Variants in CTNNA3 observed in about 807,000 individuals in gnomAD.
CTNNA3 encodes the protein catenin alpha 3.
CTNNA3 carries 76 observed loss-of-function variants against 95.7 expected under a neutral mutation model. That is an observed-to-expected ratio of 0.79 (90% CI 0.66 to 0.96). The LOEUF is 0.96. Ranked by LOEUF, CTNNA3 falls within the 40% of genes least tolerant of loss-of-function variation. The probability of loss-of-function intolerance (pLI) is 0.00; values close to 1 mark genes in which losing one functional copy is unlikely to be tolerated. For synonymous variants in CTNNA3, 431 were observed against 374.4 expected (o/e 1.15, Z -1.74); for missense variants, 1,191 against 1,089.8 (o/e 1.09, Z -1.31).
chr10:66,679,725 G>A (rs1249884863), intron 9 of CTNNA3, among the ~76,000 whole-genome samples: 2 of 152,040 alleles, frequency 1.3e-5, no homozygotes, highest in Non-Finnish European at 2.9e-5. Context: ...AAGCTAAAGG[G>A]CCAATGAGGT....
chr10:66,160,969 A>T (rs1034486954), intron 13 of CTNNA3, among the ~76,000 whole-genome samples: 1 of 152,050 alleles, frequency 6.6e-6, no homozygotes, highest in Non-Finnish European at 1.5e-5. Context: ...GTTGTTTTAA[A>T]GTTTGTTTTG....
In CTNNA3 at chr10:67,701,734, C is replaced by G. The variant is rs545611917; in HGVS notation, c.-1-54220G>C. On this transcript the variant is annotated intron_variant, in intron 1 of 17. Coordinates refer to the CTNNA3 transcript ENST00000684154. ...TGCATCAACTAATGAGCAAAATAAC[C>G]AGCTAACATCATAATGACAGGATCA... Among the ~76,000 whole-genome samples, 6 of 152,254 alleles carry G rather than the reference C, an allele frequency of 3.9e-5. No individual in the cohort carries two copies. The South Asian group carries it at 8.3e-4, about 21-fold the overall frequency.
At chr10:67,574,536 T>C (rs936946634) in intron 3 of CTNNA3, among the ~76,000 whole-genome samples, 4 of 151,994 alleles carry the variant, frequency 2.6e-5, no homozygotes, top group African/African-American at 9.7e-5. Flanking sequence ...TTCTGTTTTC[T>C]GTCACTTCAA....
At chr10:67,562,492 A>C (rs1841555065) in intron 3 of CTNNA3, among the ~76,000 whole-genome samples, 1 of 152,162 alleles carries the variant, frequency 6.6e-6, no homozygotes, top group Non-Finnish European at 1.5e-5. Flanking sequence ...CATATCTCAA[A>C]ATAATAAGAG....
intron 9 of CTNNA3, among the ~76,000 whole-genome samples, chr10:66,622,339 T>A (rs988396567): frequency 6.6e-6 from 1 of 152,198 alleles, no homozygotes; most frequent in African/African-American, 2.4e-5. Flanking sequence ...TGTTTGACAT[T>A]CCTGCAGTGC....
chr10:66,249,123 T>G (rs955604021), intron 13 of CTNNA3, among the ~76,000 whole-genome samples: 1 of 152,092 alleles, frequency 6.6e-6, no homozygotes, highest in Non-Finnish European at 1.5e-5. Context: ...ACTAGACCCC[T>G]ATCTCTCACC....
chr10:67,756,784 G>T (rs1393835313), intron 1 of CTNNA3, among the ~76,000 whole-genome samples: 1 of 152,048 alleles, frequency 6.6e-6, no homozygotes, highest in East Asian at 1.9e-4. Flanking sequence ...ACAATATTAT[G>T]AATGTAATGG....
At chr10:67,302,197 A>G (rs1276480221) in intron 5 of CTNNA3, among the ~76,000 whole-genome samples, 1 of 152,206 alleles carries the variant, frequency 6.6e-6, no homozygotes, top group African/African-American at 2.4e-5. Flanking sequence ...TCTCATTTAT[A>G]TGTGGAATCT....
intron 13 of CTNNA3, among the ~76,000 whole-genome samples, chr10:66,195,337 C>T (rs1484780975): frequency 6.6e-6 from 1 of 151,982 alleles, no homozygotes; most frequent in Non-Finnish European, 1.5e-5. Context: ...GATATACCAC[C>T]AGTGTGAAAT....
intron 10 of CTNNA3, among the ~76,000 whole-genome samples, chr10:66,536,278 T>A (rs765141928): frequency 2.6e-5 from 4 of 151,794 alleles, no homozygotes; most frequent in Non-Finnish European, 5.9e-5. Context: ...GGTCAAGAGT[T>A]CGAGACCAGC....
intron 10 of CTNNA3, among the ~76,000 whole-genome samples, chr10:66,598,232 G>A (rs191800836): frequency 7.2e-5 from 11 of 151,972 alleles, no homozygotes; most frequent in Non-Finnish European, 7.4e-5. Flanking sequence ...AAAAACTCTC[G>A]ACAAACTAGG....
intron 3 of CTNNA3, among the ~76,000 whole-genome samples, chr10:67,542,776 T>C (rs528560721): frequency 2.0e-5 from 3 of 152,266 alleles, no homozygotes; most frequent in African/African-American, 7.2e-5. Context: ...CAACTATTGA[T>C]AAGGTATTGA....
At chr10:67,464,153 A>G (rs1847485687) in intron 5 of CTNNA3, among the ~76,000 whole-genome samples, 2 of 152,132 alleles carry the variant, frequency 1.3e-5, no homozygotes, top group Admixed American at 1.3e-4. Context: ...TGATTTTCCC[A>G]TGTTATATTC....
chr10:66,600,861 G>A lies in CTNNA3; in HGVS notation c.1374+20831C>T, dbSNP rs551277864. 1.7e-3 allele frequency among the ~76,000 whole-genome samples: 255 copies of A among 151,918 alleles called. 1 individual carries two copies. The highest frequency in any genetic ancestry group is 5.5e-3 in the African/African-American group (227 of 41,522). ...ATTCCTGGGATATTTTCTTTATCAC[G>A]TCTTTTACAGCAAGGGGTAGTAGAA... is the stretch of plus-strand genomic sequence containing the variant. On this transcript the variant is annotated intron_variant, in intron 10 of 17. Transcript: ENST00000433211.
At chr10:67,494,694 T>C (rs574674216) in intron 5 of CTNNA3, among the ~76,000 whole-genome samples, 1 of 152,344 alleles carries the variant, frequency 6.6e-6, no homozygotes, top group African/African-American at 2.4e-5. Context: ...ATATTTTCCA[T>C]TCTATTTGGC....
chr10:67,462,661 G>T (rs1020969317), intron 5 of CTNNA3, among the ~76,000 whole-genome samples: 7 of 152,132 alleles, frequency 4.6e-5, no homozygotes, highest in African/African-American at 1.4e-4. Context: ...TAATAAAAAG[G>T]TGTCTGCTAG....
chr10:67,026,103 T>A (rs1853365698), intron 7 of CTNNA3, among the ~76,000 whole-genome samples: 1 of 134,190 alleles, frequency 7.5e-6, no homozygotes, highest in Admixed American at 7.7e-5. Flanking sequence ...CTCTGGGGAC[T>A]GTTGTGGGGT....
intron 5 of CTNNA3, among the ~76,000 whole-genome samples, chr10:67,251,893 T>G (rs1451498114): frequency 6.6e-6 from 1 of 152,022 alleles, no homozygotes; most frequent in Admixed American, 6.6e-5. Flanking sequence ...AGATCATCAC[T>G]AGTGGCCTCA....
At chr10:66,098,501 A>C (rs2081490155) in intron 14 of CTNNA3, among the ~76,000 whole-genome samples, 1 of 152,200 alleles carries the variant, frequency 6.6e-6, no homozygotes, top group Non-Finnish European at 1.5e-5. Context: ...GATGTGTTAA[A>C]CAGTATCAGG....
Sources: gnomAD v4.1 joint callset for allele counts (sites outside exome capture counted in the v4.1 genomes callset) on GRCh38, gnomAD v4.1.1 for gene constraint, MANE v1.5 for transcripts, NCBI Gene and HGNC (gene_info 2026-07-23, HGNC 2026-07-21) for gene names.